Variants in SCAPER observed in about 807,000 individuals in gnomAD.
SCAPER encodes S phase cyclin A-associated protein in the endoplasmic reticulum.
In SCAPER, 98 loss-of-function variants were observed where a neutral mutation model predicts 182.2. The observed-to-expected ratio is 0.54, with a 90% CI of 0.46 to 0.64. The LOEUF is 0.64. SCAPER is among the 30% of genes least tolerant of loss of function. SCAPER has a pLI of 0.00. For missense variants in SCAPER, 1,432 were observed against 1,690.0 expected (o/e 0.85, Z 2.68); for synonymous variants, 605 against 564.6 (o/e 1.07, Z -1.01).
intron 27 of SCAPER, 40 bp downstream of exon 27, chr15:76,404,484 C>T: frequency 6.5e-7 from 1 of 1,544,982 alleles, no homozygotes; most frequent in South Asian, 1.2e-5. Context: ...AGAGATGTTC[C>T]AAAAGTTGAG....
intron 23 of SCAPER, among the ~76,000 whole-genome samples, chr15:76,514,638 T>G (rs978798849): frequency 2.0e-5 from 3 of 152,174 alleles, no homozygotes; most frequent in Non-Finnish European, 4.4e-5. Flanking sequence ...ATTAGCAGTA[T>G]AGGCTACATT....
intron 1 of SCAPER, among the ~76,000 whole-genome samples, chr15:76,901,225 G>A (rs1015442143): frequency 9.2e-5 from 14 of 152,040 alleles, no homozygotes; most frequent in Non-Finnish European, 1.6e-4. Flanking sequence ...GCAAGACGCC[G>A]TCTCAAAAGA....
intron 10 of SCAPER, 151 bp downstream of exon 10, chr15:76,771,590 GT>G (rs2063474561): frequency 3.4e-6 from 2 of 590,542 alleles, no homozygotes; most frequent in Non-Finnish European, 5.6e-6. Context: ...TATATCAAAA[GT>G]TTACCAAAAT....
At chr15:76,353,487 T>C (rs1181302604) in intron 30 of SCAPER, among the ~76,000 whole-genome samples, 1 of 152,208 alleles carries the variant, frequency 6.6e-6, no homozygotes, top group Admixed American at 6.5e-5. Flanking sequence ...AAAGTTGTTT[T>C]ACATTAAAAA....
At position 76,438,338 on chromosome 15, in the gene SCAPER, G is replaced by A. The variant is rs1175856146; in HGVS notation, c.3079-4028C>T. On this transcript the variant is annotated intron_variant, in intron 25 of 31. Transcript: ENST00000563290. ...TTATGGGCTGTTGGGATAATTCTGG[G>A]TGAAACATACTAATCTCATTATTTA... 2.0e-5 allele frequency among the ~76,000 whole-genome samples: 3 copies of A among 151,752 alleles called. No individual in the cohort carries two copies. In the East Asian group the frequency reaches 5.8e-4, roughly 29 times the overall value.
In SCAPER at chr15:76,714,830, C is replaced by G. The variant is rs113814727; in HGVS notation, c.2166-8846G>C. Among the ~76,000 whole-genome samples, 1,203 of 152,144 alleles carry G rather than the reference C, an allele frequency of 7.9e-3. 11 individuals are homozygous for G. Among genetic ancestry groups the G allele is most frequent in the African/African-American group, 0.028 (1,142 of 41,486 alleles). Reference sequence around the variant, plus strand: ...ATATCGGTAAATTGCGAAAATACATCAAATTGAAGTGGAGCTTATCCCAGA... The same window carrying G: ...ATATCGGTAAATTGCGAAAATACATGAAATTGAAGTGGAGCTTATCCCAGA... On this transcript the variant is annotated intron_variant, in intron 17 of 31. Transcript: ENST00000563290.
At chr15:76,743,869 A>C (rs2061670010) in intron 15 of SCAPER, among the ~76,000 whole-genome samples, 1 of 152,236 alleles carries the variant, frequency 6.6e-6, no homozygotes, top group South Asian at 2.1e-4. Flanking sequence ...TTGAGGCATC[A>C]CATTACCCGA....
chr15:76,711,795 T>C (rs531763998), intron 17 of SCAPER, among the ~76,000 whole-genome samples: 3 of 152,304 alleles, frequency 2.0e-5, no homozygotes, highest in African/African-American at 7.2e-5. Flanking sequence ...TTTGTTTTTT[T>C]CCTGTAAATT....
intron 22 of SCAPER, among the ~76,000 whole-genome samples, chr15:76,575,240 G>A (rs755032407): frequency 2.0e-5 from 3 of 152,058 alleles, no homozygotes; most frequent in Non-Finnish European, 4.4e-5. Context: ...GGCAGGGGTG[G>A]GGGTGTGGGG....
intron 26 of SCAPER, among the ~76,000 whole-genome samples, chr15:76,407,739 A>G (rs554599886): frequency 1.3e-5 from 2 of 152,272 alleles, no homozygotes; most frequent in South Asian, 2.1e-4. Context: ...ATTTCATTCA[A>G]TGACTATTTA....
chr15:76,901,747 T>G (rs2074801149), intron 1 of SCAPER, among the ~76,000 whole-genome samples: 1 of 150,898 alleles, frequency 6.6e-6, no homozygotes, highest in African/African-American at 2.4e-5. Flanking sequence ...TGAGACGGAG[T>G]CTCGCTCTGT....
intron 16 of SCAPER, among the ~76,000 whole-genome samples, chr15:76,732,033 A>T (rs2060950362): frequency 6.6e-6 from 1 of 152,200 alleles, no homozygotes; most frequent in Non-Finnish European, 1.5e-5. Context: ...TATTGCTATG[A>T]TTACAGTCTG....
intron 20 of SCAPER, among the ~76,000 whole-genome samples, chr15:76,693,424 G>C (rs184925200): frequency 1.6e-4 from 24 of 152,124 alleles, no homozygotes; most frequent in Non-Finnish European, 2.5e-4. Flanking sequence ...AAAATTGTAG[G>C]GCATTCCTCA....
At chr15:76,377,278 G>A (rs2042637149) in intron 28 of SCAPER, among the ~76,000 whole-genome samples, 1 of 152,136 alleles carries the variant, frequency 6.6e-6, no homozygotes, top group African/African-American at 2.4e-5. Context: ...AATTTTAAGA[G>A]TGCCTTTTGT....
At chr15:76,885,347 C>T (rs902939362) in intron 1 of SCAPER, among the ~76,000 whole-genome samples, 2 of 152,320 alleles carry the variant, frequency 1.3e-5, no homozygotes, top group African/African-American at 4.8e-5. Flanking sequence ...ATCACACTGG[C>T]CTCCTTATGC....
intron 27 of SCAPER, among the ~76,000 whole-genome samples, chr15:76,388,785 C>A (rs1055757198): frequency 6.6e-6 from 1 of 151,688 alleles, no homozygotes; most frequent in African/African-American, 2.4e-5. Context: ...ATGGTGAAAC[C>A]CTGTCTCTAC....
chr15:76,813,243 A>AC (rs60071729), intron 5 of SCAPER, among the ~76,000 whole-genome samples: 6,464 of 60,928 alleles, frequency 0.11, 694 homozygotes, highest in African/African-American at 0.19. Context: ...AAAAAAAAAA[A>AC]AAAAAAAAAA....
chr15:76,485,871 T>C lies in SCAPER; in HGVS notation c.2955-14536A>G, dbSNP rs1041518963. 4.6e-5 allele frequency among the ~76,000 whole-genome samples: 7 copies of C among 152,136 alleles called. No homozygotes were observed. The East Asian group carries it at 1.2e-3, about 25-fold the overall frequency. ...AACTGGGCCCCTTCCTTACACCACA[T>C]GCAAAAATTAACTCGAGATGGATTA... On this transcript the variant is annotated intron_variant, in intron 24 of 31. Coordinates refer to ENST00000563290, the MANE Select transcript of SCAPER (RefSeq NM_020843.4).
At chr15:76,693,531 A>T (rs1444767879) in intron 20 of SCAPER, among the ~76,000 whole-genome samples, 1 of 152,162 alleles carries the variant, frequency 6.6e-6, no homozygotes, top group Non-Finnish European at 1.5e-5. Context: ...TATTTGTATA[A>T]CCCATGTTCA....
Sources: allele counts gnomAD v4.1 joint callset (sites outside exome capture counted in the v4.1 genomes callset), GRCh38; gene constraint gnomAD v4.1.1; transcripts MANE v1.5; gene names NCBI Gene and HGNC (gene_info 2026-07-23, HGNC 2026-07-21).